The following SLC25A21 variants were observed in gnomAD, a reference collection of about 807,000 sequenced individuals.
The protein encoded by SLC25A21 is mitochondrial 2-oxodicarboxylate carrier.
In SLC25A21, 47 loss-of-function variants were observed where a neutral mutation model predicts 43.8. The ratio of observed to expected loss-of-function variants is 1.07; its 90% CI spans 0.85 to 1.37. SLC25A21 has a LOEUF of 1.37. Ranked by LOEUF, SLC25A21 falls within the 40% of genes most tolerant of loss-of-function variation. SLC25A21 has a pLI of 0.00. For missense variants in SLC25A21, 352 were observed against 350.2 expected (o/e 1.00, Z -0.04); for synonymous variants, 131 against 121.3 (o/e 1.08, Z -0.52).
chr14:36,724,928 T>C (rs542167002), intron 6 of SLC25A21, among the ~76,000 whole-genome samples: 1 of 152,158 alleles, frequency 6.6e-6, no homozygotes, highest in Non-Finnish European at 1.5e-5. Flanking sequence ...TCTAGAGCAA[T>C]TGAAAAGAAG....
At chr14:36,693,746 A>AC (rs1260844937) in intron 7 of SLC25A21, among the ~76,000 whole-genome samples, 2 of 151,960 alleles carry the variant, frequency 1.3e-5, no homozygotes, top group Admixed American at 1.3e-4. Context: ...CGATCCTCCC[A>AC]CCTCAGCTTC....
chr14:36,956,994 G>A (rs924162584), intron 1 of SLC25A21, among the ~76,000 whole-genome samples: 6 of 152,136 alleles, frequency 3.9e-5, no homozygotes, highest in African/African-American at 1.4e-4. Flanking sequence ...TCGTCCAAAT[G>A]CATATTGTTT....
intron 7 of SLC25A21, among the ~76,000 whole-genome samples, chr14:36,689,301 A>G (rs934098273): frequency 5.3e-5 from 8 of 152,320 alleles, no homozygotes; most frequent in African/African-American, 1.9e-4. Context: ...ACCATCTCCC[A>G]CTGGGTCCCT....
intron 3 of SLC25A21, among the ~76,000 whole-genome samples, chr14:36,801,986 G>A (rs1044890511): frequency 6.6e-6 from 1 of 152,152 alleles, no homozygotes; most frequent in Non-Finnish European, 1.5e-5. Context: ...GCGGCGAAGT[G>A]CCCGAATCTA....
intron 3 of SLC25A21, among the ~76,000 whole-genome samples, chr14:36,760,389 A>AAGGAAGGAAGGC (rs1217482128): frequency 6.1e-5 from 9 of 146,784 alleles, no homozygotes; most frequent in East Asian, 4.1e-4. Flanking sequence ...GGAAGGAAGG[A>AAGGAAGGAAGGC]AGGCAGGCCT....
At chr14:37,003,973 A>G (rs1960543180) in intron 1 of SLC25A21, among the ~76,000 whole-genome samples, 1 of 152,116 alleles carries the variant, frequency 6.6e-6, no homozygotes, top group Non-Finnish European at 1.5e-5. Flanking sequence ...TTTGCTTGGT[A>G]TATCACTCCC....
At position 36,678,819 on chromosome 14, in the gene SLC25A21, T is replaced by TAAC; in HGVS notation, c.*1836_*1838dup. On this transcript the variant is annotated 3_prime_UTR_variant, in exon 10 of 10. Coordinates refer to ENST00000331299, the MANE Select transcript of SLC25A21 (RefSeq NM_030631.4). ...AGTTTCCTTTTCTCCCTCTAGGTCT[T>TAAC]AACAGTGAATTCACATGGAGTAATT... 1 of 996,702 alleles carries TAAC rather than the reference T, an allele frequency of 1.0e-6. No individual in the cohort carries two copies. The highest frequency in any genetic ancestry group is 1.2e-6 in the Non-Finnish European group (1 of 828,700). 61.7% of individuals were successfully genotyped at this position (996,702 alleles called of 1,614,324 possible).
intron 3 of SLC25A21, among the ~76,000 whole-genome samples, chr14:36,781,561 C>A (rs952787546): frequency 2.0e-5 from 3 of 152,124 alleles, no homozygotes; most frequent in Non-Finnish European, 4.4e-5. Flanking sequence ...CCATATCAGT[C>A]ATTTTAAGTT....
At chr14:36,746,472 A>T (rs1032105192) in intron 3 of SLC25A21, among the ~76,000 whole-genome samples, 1 of 152,178 alleles carries the variant, frequency 6.6e-6, no homozygotes, top group African/African-American at 2.4e-5. Flanking sequence ...GAGAGGGGTG[A>T]GGAAAACAAT....
chr14:36,732,661 C>A (rs1231114404), intron 4 of SLC25A21, among the ~76,000 whole-genome samples: 8 of 152,030 alleles, frequency 5.3e-5, no homozygotes, highest in Non-Finnish European at 1.2e-4. Flanking sequence ...CACCCCGCCC[C>A]CCTCAGTCTC....
intron 3 of SLC25A21, among the ~76,000 whole-genome samples, chr14:36,776,572 G>A (rs774902636): frequency 5.3e-5 from 8 of 151,844 alleles, no homozygotes; most frequent in Non-Finnish European, 7.4e-5. Context: ...TATAATCACT[G>A]GAGAATATCA....
chr14:36,790,712 A>G (rs1887455238), intron 3 of SLC25A21, among the ~76,000 whole-genome samples: 1 of 152,144 alleles, frequency 6.6e-6, no homozygotes, highest in African/African-American at 2.4e-5. Context: ...GATTTTGGAA[A>G]TCCTGTTTAA....
chr14:37,101,760 T>C (rs1423182165), intron 1 of SLC25A21, among the ~76,000 whole-genome samples: 2 of 152,178 alleles, frequency 1.3e-5, no homozygotes, highest in African/African-American at 4.8e-5. Context: ...AAAGCCCATA[T>C]AGGTATAGAA....
intron 1 of SLC25A21, among the ~76,000 whole-genome samples, chr14:37,163,345 C>T (rs927812679): frequency 2.6e-5 from 4 of 151,572 alleles, no homozygotes; most frequent in African/African-American, 4.8e-5. Context: ...GTTTATGCTG[C>T]CCAGTTTGTG....
chr14:36,937,615 G>GTAAAC (rs1892456793), intron 1 of SLC25A21, among the ~76,000 whole-genome samples: 2 of 152,162 alleles, frequency 1.3e-5, no homozygotes, highest in Admixed American at 6.5e-5. Context: ...AGACAATGAC[G>GTAAAC]TAAACTATGC....
At chr14:36,968,969 A>G (rs1469824839) in intron 1 of SLC25A21, among the ~76,000 whole-genome samples, 2 of 152,260 alleles carry the variant, frequency 1.3e-5, no homozygotes, top group East Asian at 1.9e-4. Context: ...AGCAGATTTA[A>G]TAAGTCTACT....
Position 37,102,169 on chromosome 14 carries a change from G to A in SLC25A21, c.70+70112C>T, listed in dbSNP as rs1008636961. ...TAAAATTGTAATAATGGCCAGGCAC[G>A]GTGGTTCACGCCTGTAATCCCAACA... On this transcript the variant is annotated intron_variant, in intron 1 of 9. Coordinates refer to ENST00000331299, the MANE Select transcript of SLC25A21 (RefSeq NM_030631.4). Among the ~76,000 whole-genome samples, 6 of 152,098 alleles carry A rather than the reference G, an allele frequency of 3.9e-5. No homozygotes were observed. In the East Asian group the frequency reaches 9.6e-4, roughly 24 times the overall value.
intron 2 of SLC25A21, among the ~76,000 whole-genome samples, chr14:36,847,829 T>C (rs1412230552): frequency 6.6e-6 from 1 of 152,224 alleles, no homozygotes; most frequent in Non-Finnish European, 1.5e-5. Flanking sequence ...TTGTACAGGA[T>C]GTTTCTAGGC....
intron 7 of SLC25A21, among the ~76,000 whole-genome samples, chr14:36,692,398 T>C (rs555315358): frequency 6.6e-6 from 1 of 152,310 alleles, no homozygotes; most frequent in Admixed American, 6.5e-5. Context: ...TTTAACCATA[T>C]AGTCCAAACT....
Sources: gnomAD v4.1 joint callset for allele counts (sites outside exome capture counted in the v4.1 genomes callset) on GRCh38, gnomAD v4.1.1 for gene constraint, MANE v1.5 for transcripts, NCBI Gene and HGNC (gene_info 2026-07-23, HGNC 2026-07-21) for gene names.